TOR1B: variants seen among roughly 807,000 people sequenced by gnomAD.
TOR1B encodes the protein torsin-1B.
TOR1B carries 14 observed loss-of-function variants against 29.2 expected under a neutral mutation model. The observed-to-expected ratio is 0.48, with a 90% CI of 0.32 to 0.75. The LOEUF (loss-of-function observed/expected upper bound fraction) is 0.75. TOR1B is among the 30% of genes least tolerant of loss of function. The probability of loss-of-function intolerance (pLI) is 0.04; values close to 1 mark genes in which losing one functional copy is unlikely to be tolerated. For missense variants in TOR1B, 400 were observed against 433.9 expected, an observed-to-expected ratio of 0.92 and a Z score of 0.69; for synonymous variants, 166 against 179.8, an observed-to-expected ratio of 0.92 and a Z score of 0.62.
rs1251740873 is a variant in TOR1B, at chr9:129,810,051, C to T, written c.*468C>T. ...TGAAAACAGCTGTGCATGGCAGGCCCGGCAATAGCTTCTGACCCACAGCAC... is the reference window on the plus strand; with the variant it reads ...TGAAAACAGCTGTGCATGGCAGGCCTGGCAATAGCTTCTGACCCACAGCAC... On this transcript the variant is annotated 3_prime_UTR_variant, in exon 5 of 5. Coordinates refer to ENST00000259339, the MANE Select transcript of TOR1B (RefSeq NM_014506.3). The T allele has an allele frequency of 2.4e-6, 3 of 1,230,910 alleles. No individual in the cohort carries two copies. Among genetic ancestry groups the T allele is most frequent in the East Asian group, 5.8e-5 (1 of 17,256 alleles). The allele number at this position is 1,230,910 out of a possible 1,614,324, so 76.2% of individuals were successfully genotyped here. A position where few individuals can be genotyped will look rare whatever the true frequency, so the allele number is the denominator to read the frequency against.
At position 129,803,227 on chromosome 9, in the gene TOR1B, G is replaced by A; in HGVS notation, c.15G>A (p.Gly5=). The A allele has an allele frequency of 6.6e-7, 1 of 1,524,944 alleles. No homozygotes were observed. Among genetic ancestry groups the A allele is most frequent in the Non-Finnish European group, 8.7e-7 (1 of 1,144,094 alleles). The allele number at this position is 1,524,944 out of a possible 1,614,324, so 94.5% of individuals were successfully genotyped here. ...CGAGGAGCGGGATGTTGCGGGCTGG[G>A]TGGCTCCGGGGCGCGGCGGCGCTGG... The part of the protein sequence containing the change: MLRA[G]WLRGAAALAL... Residue 5 remains glycine (G), a synonymous_variant, in exon 1 of 5, where the codon GGG becomes GGA. Transcript: ENST00000259339.
At position 129,807,317 on chromosome 9, in the gene TOR1B, C is replaced by A. The variant is rs1287957266; in HGVS notation, c.595C>A (p.Gln199Lys). The A allele has an allele frequency of 6.2e-7, 1 of 1,614,176 alleles. No individual in the cohort carries two copies. The highest frequency in any genetic ancestry group is 1.7e-5 in the Admixed American group (1 of 60,020). ...AIKPFLDYYE[Q>K]VDGVSYRKAI... ...CAAGCCGTTTCTAGACTACTACGAGCAGGTTGACGGAGTGTCTTACCGCAA... is the reference window on the plus strand; with the variant it reads ...CAAGCCGTTTCTAGACTACTACGAGAAGGTTGACGGAGTGTCTTACCGCAA... Residue 199 changes from glutamine (Q) to lysine (K), a missense_variant, in exon 3 of 5, where the codon CAG (glutamine) becomes AAG (lysine). Coordinates refer to ENST00000259339, the MANE Select transcript of TOR1B (RefSeq NM_014506.3).
In TOR1B at chr9:129,807,330, T is replaced by C; in HGVS notation, c.608T>C (p.Val203Ala). The C allele has an allele frequency of 6.2e-7, 1 of 1,613,994 alleles. No homozygotes were observed. Among genetic ancestry groups the C allele is most frequent in the Non-Finnish European group, 8.5e-7 (1 of 1,180,006 alleles). Residue 203 changes from valine to alanine, a missense_variant, in exon 3 of 5, where the codon GTG becomes GCG. Coordinates refer to ENST00000259339, the MANE Select transcript of TOR1B (RefSeq NM_014506.3). ...GACTACTACGAGCAGGTTGACGGAG[T>C]GTCTTACCGCAAAGCCATCTTCATC... Reference protein sequence around the residue: ...FLDYYEQVDGVSYRKAIFIFL... With the variant: ...FLDYYEQVDGASYRKAIFIFL...
rs1283455815 is a variant in TOR1B, at chr9:129,810,211, C to T, written c.*628C>T. 7.7e-7 allele frequency: 1 copy of T among 1,304,150 alleles called. No individual in the cohort carries two copies. The highest frequency in any genetic ancestry group is 1.0e-6 in the Non-Finnish European group (1 of 988,974). The allele number at this position is 1,304,150 out of a possible 1,614,324, so 80.8% of individuals were successfully genotyped here. On this transcript the variant is annotated 3_prime_UTR_variant, in exon 5 of 5. Transcript: ENST00000259339. ...GGCCAAAAACATCCTTTTGCTCTGT[C>T]TCGTTCTTTACACAGAGTTCACTGA...
At position 129,804,155 on chromosome 9, in the gene TOR1B, G is replaced by A. The variant is rs1445717574; in HGVS notation, c.282G>A (p.Arg94=). Residue 94 remains arginine, a synonymous_variant, in exon 2 of 5, where the codon AGG becomes AGA. Transcript: ENST00000259339. ...EVIFKALTGF[R]NNKNPKKPLT... ...TTTTCAAGGCGCTGACTGGCTTCAG[G>A]AACAACAAAAATCCCAAGAAACCAC... 1.1e-5 allele frequency: 17 copies of A among 1,614,204 alleles called. No homozygotes were observed. The highest frequency in any genetic ancestry group is 1.3e-5 in the Non-Finnish European group (15 of 1,180,040).
intron 2 of TOR1B, among the ~76,000 whole-genome samples, chr9:129,806,046 G>C (rs1048474895): frequency 6.6e-6 from 1 of 151,770 alleles, no homozygotes; most frequent in Non-Finnish European, 1.5e-5. Context: ...GCTTGAGCCC[G>C]GGAGGCTGAG....
rs2030345425 is a variant in TOR1B, at chr9:129,804,310, C to T, written c.437C>T (p.Pro146Leu). The change falls in exon 2 of 5, where the codon CCT (proline) becomes CTT (leucine). Residue 146 changes from proline (P) to leucine (L), a missense_variant. Physicochemically the swap from Pro to Leu is moderately conservative, Grantham distance 98 (BLOSUM62 -3). Coordinates refer to ENST00000259339, the MANE Select transcript of TOR1B (RefSeq NM_014506.3). ...VHLFVSTLHF[P>L]HEQKIKLYQD... ...CTGTTTGTATCGACTCTGCACTTCC[C>T]TCATGAGCAGAAGATAAAACTGTAC... is the stretch of plus-strand genomic sequence containing the variant. 7.4e-6 allele frequency: 12 copies of T among 1,613,706 alleles called. No homozygotes were observed. The highest frequency in any genetic ancestry group is 1.3e-5 in the African/African-American group (1 of 74,926).
chr9:129,806,780 G>C (rs2030503994), intron 2 of TOR1B, among the ~76,000 whole-genome samples: 1 of 152,168 alleles, frequency 6.6e-6, no homozygotes, highest in African/African-American at 2.4e-5. Context: ...AACTACACGG[G>C]GGGCTGAGGC....
chr9:129,807,326 G>T lies in TOR1B; in HGVS notation c.604G>T (p.Gly202Ter), dbSNP rs142732671. Residue 202 changes from glycine (G) to a stop codon, truncating the protein, a stop_gained, in exon 3 of 5, where the codon GGA (glycine) becomes TGA (stop). Transcript: ENST00000259339. LOFTEE classifies it high-confidence loss of function. ...PFLDYYEQVDGVSYRKAIFIF... is the reference protein window; with the variant it reads ...PFLDYYEQVD ...TCTAGACTACTACGAGCAGGTTGAC[G>T]GAGTGTCTTACCGCAAAGCCATCTT... The T allele has an allele frequency of 1.9e-6, 3 of 1,614,022 alleles. No individual in the cohort carries two copies. The African/African-American group carries it at 4.0e-5, about 22-fold the overall frequency.
rs113798625 is a variant in TOR1B, at chr9:129,806,572, G to A, written c.466-616G>A. On this transcript the variant is annotated intron_variant, in intron 2 of 4. Coordinates refer to ENST00000259339, the MANE Select transcript of TOR1B (RefSeq NM_014506.3). Reference sequence around the variant, plus strand: ...CAAGAGAGATGAAAACTATGGCTACGTTAGCAGTGAATGATATTCACGGAT... The same window carrying A: ...CAAGAGAGATGAAAACTATGGCTACATTAGCAGTGAATGATATTCACGGAT... 4.7e-4 allele frequency among the ~76,000 whole-genome samples: 72 copies of A among 152,292 alleles called. 1 individual carries two copies. Among genetic ancestry groups the A allele is most frequent in the African/African-American group, 1.4e-3 (60 of 41,560 alleles).
In TOR1B at chr9:129,810,137, G is replaced by A; in HGVS notation, c.*554G>A. On this transcript the variant is annotated 3_prime_UTR_variant, in exon 5 of 5. Transcript: ENST00000259339. ...TCCAGGGACTTGCTGCAGGCTGGGG[G>A]GCACTGGGTGGTTCTCACCAGCAGG... The A allele has an allele frequency of 1.5e-6, 2 of 1,301,030 alleles. No homozygotes were observed. The highest frequency in any genetic ancestry group is 2.0e-6 in the Non-Finnish European group (2 of 986,414). The allele number at this position is 1,301,030 out of a possible 1,614,324, so 80.6% of individuals were successfully genotyped here.
At position 129,803,231 on chromosome 9, in the gene TOR1B, C is replaced by A; in HGVS notation, c.19C>A (p.Leu7Ile). MLRAGWLRGAAALALLL... is the reference protein window; with the variant it reads MLRAGWIRGAAALALLL... ...GAGCGGGATGTTGCGGGCTGGGTGGCTCCGGGGCGCGGCGGCGCTGGCGCT... is the reference window on the plus strand; with the variant it reads ...GAGCGGGATGTTGCGGGCTGGGTGGATCCGGGGCGCGGCGGCGCTGGCGCT... The change falls in exon 1 of 5, where the codon CTC becomes ATC. Residue 7 changes from leucine (L) to isoleucine (I), a missense_variant. Coordinates refer to ENST00000259339, the MANE Select transcript of TOR1B (RefSeq NM_014506.3). 6.5e-7 allele frequency: 1 copy of A among 1,530,970 alleles called. No homozygotes were observed. The allele number at this position is 1,530,970 out of a possible 1,614,324, so 94.8% of individuals were successfully genotyped here.
chr9:129,806,976 AACTT>A (rs1455996107), intron 2 of TOR1B, among the ~76,000 whole-genome samples: 5 of 152,196 alleles, frequency 3.3e-5, no homozygotes, highest in African/African-American at 4.8e-5. Flanking sequence ...GTTAGGAAAA[AACTT>A]CTCTGCATTT....
rs368520308 is a variant in TOR1B at position 129,809,021 on chromosome 9, A to G, written c.758A>G (p.Asn253Ser). 2.4e-5 allele frequency: 39 copies of G among 1,610,400 alleles called. No individual in the cohort carries two copies. Among genetic ancestry groups the G allele is most frequent in the Middle Eastern group, 1.6e-4 (1 of 6,068 alleles). The change falls in exon 4 of 5, where the codon AAT becomes AGT. Residue 253 changes from asparagine (N) to serine (S), a missense_variant. Asn to Ser is a conservative substitution (Grantham distance 46). Coordinates refer to ENST00000259339, the MANE Select transcript of TOR1B (RefSeq NM_014506.3). ...CCTGTACTGTCTGTCGGAGTCTTCA[A>G]TAATAAACACAGTGAGTCCACCAGG... ...LEPVLSVGVFNNKHSGLWHSG... is the reference protein window; with the variant it reads ...LEPVLSVGVFSNKHSGLWHSG...
intron 2 of TOR1B, among the ~76,000 whole-genome samples, chr9:129,804,836 CAAAAA>C (rs34803368): frequency 4.0e-5 from 2 of 50,376 alleles, no homozygotes; most frequent in African/African-American, 1.5e-4. Flanking sequence ...TACTCGGTCT[CAAAAA>C]AAAAAAAAAA....
chr9:129,805,011 AC>A (rs2130987171), intron 2 of TOR1B, among the ~76,000 whole-genome samples: 1 of 150,898 alleles, frequency 6.6e-6, no homozygotes, highest in African/African-American at 2.4e-5. Flanking sequence ...GGTGGCGGGC[AC>A]CTGTTGTCCC....
intron 2 of TOR1B, among the ~76,000 whole-genome samples, chr9:129,806,791 C>T (rs537607437): frequency 7.3e-4 from 111 of 152,100 alleles, no homozygotes; most frequent in African/African-American, 2.5e-3. Context: ...GGGCTGAGGC[C>T]GGGGAATCGC....
In TOR1B at chr9:129,803,198, G is replaced by A; in HGVS notation, c.-15G>A. On this transcript the variant is annotated 5_prime_UTR_variant, in exon 1 of 5. Coordinates refer to ENST00000259339, the MANE Select transcript of TOR1B (RefSeq NM_014506.3). ...GCGCCTGGCTCAGTGGCTTCTGCGG[G>A]CTTCGAGGAGCGGGATGTTGCGGGC... The A allele has an allele frequency of 6.9e-7, 1 of 1,450,406 alleles. No homozygotes were observed. The highest frequency in any genetic ancestry group is 9.0e-7 in the Non-Finnish European group (1 of 1,106,736). The allele number at this position is 1,450,406 out of a possible 1,614,324, so 89.8% of individuals were successfully genotyped here.
chr9:129,810,286 G>C lies in TOR1B; in HGVS notation c.*703G>C. 1 of 1,303,530 alleles carries C rather than the reference G, an allele frequency of 7.7e-7. No individual in the cohort carries two copies. The highest frequency in any genetic ancestry group is 1.0e-6 in the Non-Finnish European group (1 of 988,872). The allele number at this position is 1,303,530 out of a possible 1,614,324, so 80.7% of individuals were successfully genotyped here. Reference sequence around the variant, plus strand: ...GGGGCTGGAGGTGCAGACGGTGTCTGACCGGAGGATGTGGCCGTGCCCGCC... The same window carrying C: ...GGGGCTGGAGGTGCAGACGGTGTCTCACCGGAGGATGTGGCCGTGCCCGCC... On this transcript the variant is annotated 3_prime_UTR_variant, in exon 5 of 5. Transcript: ENST00000259339.
Sources: allele counts gnomAD v4.1 joint callset (sites outside exome capture counted in the v4.1 genomes callset), GRCh38; gene constraint gnomAD v4.1.1; transcripts MANE v1.5; gene names NCBI Gene and HGNC (gene_info 2026-07-23, HGNC 2026-07-21).